PIK3C2G: variants seen among roughly 807,000 people sequenced by gnomAD.
PIK3C2G encodes phosphatidylinositol 3-kinase C2 domain-containing subunit gamma.
A neutral mutation model predicts 181.1 loss-of-function variants in PIK3C2G; 168 were observed. That is an observed-to-expected ratio of 0.93 (90% CI 0.82 to 1.05). The LOEUF (loss-of-function observed/expected upper bound fraction) is 1.05. PIK3C2G is among the 50% of genes least tolerant of loss of function. PIK3C2G has a pLI of 0.00. For missense variants in PIK3C2G, 1,869 were observed against 1,732.8 expected (o/e 1.08, Z -1.40); for synonymous variants, 573 against 592.2 (o/e 0.97, Z 0.47).
intron 18 of PIK3C2G, among the ~76,000 whole-genome samples, chr12:18,451,143 T>C (rs1281027203): frequency 2.0e-5 from 3 of 152,204 alleles, no homozygotes; most frequent in African/African-American, 4.8e-5. Flanking sequence ...GGGAATAACA[T>C]TGAATCTACA....
intron 18 of PIK3C2G, among the ~76,000 whole-genome samples, chr12:18,437,255 T>G (rs547472827): frequency 1.3e-5 from 2 of 152,100 alleles, no homozygotes; most frequent in South Asian, 2.1e-4. Flanking sequence ...TTCAATTTTA[T>G]ACTTCATTTG....
the PIK3C2G span, chr12:18,705,336 A>G: frequency 1.2e-6 from 2 of 1,613,662 alleles, no homozygotes; most frequent in Non-Finnish European, 1.7e-6. Context: ...AACCATTACT[A>G]TGGTTATTCA....
At chr12:18,458,459 G>A (rs1947742920) in intron 18 of PIK3C2G, among the ~76,000 whole-genome samples, 1 of 152,064 alleles carries the variant, frequency 6.6e-6, no homozygotes, top group Non-Finnish European at 1.5e-5. Flanking sequence ...AATGTTGGAT[G>A]AAGTTTTCAA....
intron 25 of PIK3C2G, among the ~76,000 whole-genome samples, chr12:18,545,427 C>T (rs141236928): frequency 5.9e-4 from 89 of 151,936 alleles, no homozygotes; most frequent in Non-Finnish European, 8.8e-4. Flanking sequence ...TCATTCTTAA[C>T]ATCTTATTGT....
chr12:18,368,002 G>A (rs1287119288), intron 12 of PIK3C2G, among the ~76,000 whole-genome samples: 3 of 152,140 alleles, frequency 2.0e-5, no homozygotes. Flanking sequence ...GAGAGAGCAG[G>A]AGAAGCTGCC....
chr12:18,406,089 C>T (rs1460359226), intron 16 of PIK3C2G, among the ~76,000 whole-genome samples: 1 of 152,118 alleles, frequency 6.6e-6, no homozygotes, highest in African/African-American at 2.4e-5. Context: ...TTTTATGACA[C>T]TGACTTTTTC....
chr12:18,289,724 T>C (rs1949606197), intron 3 of PIK3C2G, among the ~76,000 whole-genome samples: 1 of 152,184 alleles, frequency 6.6e-6, no homozygotes, highest in South Asian at 2.1e-4. Context: ...ATTGGGTGAA[T>C]GTGTATTTAC....
At chr12:18,495,958 A>G (rs1310592843) in intron 20 of PIK3C2G, 104 bp from the exon 21 acceptor site, 1 of 561,608 alleles carries the variant, frequency 1.8e-6, no homozygotes, top group Non-Finnish European at 3.1e-6. Flanking sequence ...TGTTCATACA[A>G]CAAAGTCTGC....
At chr12:18,430,058 C>T (rs532374285) in intron 18 of PIK3C2G, among the ~76,000 whole-genome samples, 38 of 152,296 alleles carry the variant, frequency 2.5e-4, no homozygotes, top group African/African-American at 9.1e-4. Flanking sequence ...CTCTTACTCC[C>T]TCATAAGATT....
chr12:18,644,218 T>C (rs1223100578), intron 32 of PIK3C2G, among the ~76,000 whole-genome samples: 1 of 152,030 alleles, frequency 6.6e-6, no homozygotes, highest in Non-Finnish European at 1.5e-5. Context: ...CAAATCCCAG[T>C]GATAGGCATG....
At chr12:18,612,321 C>T (rs1157784397) in intron 31 of PIK3C2G, among the ~76,000 whole-genome samples, 1 of 152,074 alleles carries the variant, frequency 6.6e-6, no homozygotes, top group Non-Finnish European at 1.5e-5. Flanking sequence ...TATCTGACTC[C>T]CAAATTTAAA....
intron 19 of PIK3C2G, among the ~76,000 whole-genome samples, chr12:18,491,145 A>C (rs1051715401): frequency 2.6e-5 from 4 of 152,196 alleles, no homozygotes; most frequent in African/African-American, 9.7e-5. Flanking sequence ...CACGCAGGTC[A>C]AGTCCAACCC....
intron 9 of PIK3C2G, among the ~76,000 whole-genome samples, chr12:18,343,125 T>C (rs1249222573): frequency 6.6e-6 from 1 of 152,092 alleles, no homozygotes; most frequent in Non-Finnish European, 1.5e-5. Context: ...CATTGCTTAT[T>C]ACAATATTTA....
the PIK3C2G span, chr12:18,705,152 G>GA: frequency 1.6e-5 from 25 of 1,612,522 alleles, no homozygotes; most frequent in Admixed American, 3.2e-4. Flanking sequence ...GAGTTTCTCA[G>GA]AAAAAAATGT....
chr12:18,319,798 T>C (rs1210493734), intron 6 of PIK3C2G, among the ~76,000 whole-genome samples: 1 of 152,156 alleles, frequency 6.6e-6, no homozygotes. Flanking sequence ...TTTTCATGAC[T>C]ACAGTTTAGC....
chr12:18,301,839 C>T (rs2137292361), intron 5 of PIK3C2G, among the ~76,000 whole-genome samples: 1 of 152,116 alleles, frequency 6.6e-6, no homozygotes, highest in Non-Finnish European at 1.5e-5. Context: ...TCACTTCTTC[C>T]AATTTTTTTG....
At chr12:18,634,115 G>T (rs953212352) in intron 31 of PIK3C2G, among the ~76,000 whole-genome samples, 1 of 152,156 alleles carries the variant, frequency 6.6e-6, no homozygotes, top group Non-Finnish European at 1.5e-5. Flanking sequence ...GTCTTCAAAG[G>T]CCATTTCATC....
chr12:18,617,014 C>A (rs972285356), intron 31 of PIK3C2G, among the ~76,000 whole-genome samples: 10 of 152,068 alleles, frequency 6.6e-5, no homozygotes, highest in Admixed American at 4.6e-4. Context: ...AAACTCTAAT[C>A]TAATGCAGAT....
rs1940207623 is a variant in PIK3C2G at position 18,351,481 on chromosome 12, C to T, written c.1625+4645C>T. ...CCTATATCCTCTGATTTATCCTCAT[C>T]ATAGTACTATTAACTGAGCACATTC... On this transcript the variant is annotated intron_variant, in intron 11 of 32. Transcript: ENST00000538779. 1.3e-5 allele frequency among the ~76,000 whole-genome samples: 2 copies of T among 152,052 alleles called. 1 individual carries two copies. Among genetic ancestry groups the T allele is most frequent in the South Asian group, 4.1e-4 (2 of 4,834 alleles).
Sources: allele counts gnomAD v4.1 joint callset (sites outside exome capture counted in the v4.1 genomes callset), GRCh38; gene constraint gnomAD v4.1.1; transcripts MANE v1.5; gene names NCBI Gene and HGNC (gene_info 2026-07-23, HGNC 2026-07-21).